SLC12A7: variants seen among roughly 807,000 people sequenced by gnomAD.
The protein encoded by SLC12A7 is solute carrier family 12 member 7, also known as K-Cl cotransporter 4.
In SLC12A7, 100 loss-of-function variants were observed where a neutral mutation model predicts 120.6. That is an observed-to-expected ratio of 0.83 (90% confidence interval 0.71 to 0.98). SLC12A7 has a LOEUF of 0.98. SLC12A7 is among the 50% of genes least tolerant of loss of function. The probability of loss-of-function intolerance (pLI) is 0.00; values close to 1 mark genes in which losing one functional copy is unlikely to be tolerated. For missense variants in SLC12A7, 1,373 were observed against 1,548.1 expected (o/e 0.89, Z 1.90); for synonymous variants, 760 against 678.0 (o/e 1.12, Z -1.88).
chr5:1,116,511 G>A (rs967506134), upstream of SLC12A7, among the ~76,000 whole-genome samples: 3 of 152,204 alleles, frequency 2.0e-5, no homozygotes, highest in Non-Finnish European at 1.5e-5. Flanking sequence ...TGTAAGTGAC[G>A]CCAACAGAAG....
At chr5:1,058,851 A>G (rs1180404196) in intron 21 of SLC12A7, among the ~76,000 whole-genome samples, 4 of 151,470 alleles carry the variant, frequency 2.6e-5, no homozygotes. Flanking sequence ...GTAAGTCACT[A>G]GAGGGTGTCC....
At chr5:1,116,176 C>G (rs907741271), upstream of SLC12A7, among the ~76,000 whole-genome samples, 1 of 152,174 alleles carries the variant, frequency 6.6e-6, no homozygotes, top group Non-Finnish European at 1.5e-5. Context: ...GCCACAGCCC[C>G]AGGCCCATGG....
the SLC12A7 span, among the ~76,000 whole-genome samples, chr5:1,120,947 C>T: frequency 2.0e-5 from 3 of 152,180 alleles, no homozygotes; most frequent in East Asian, 5.8e-4. Context: ...TCGGAGCTCA[C>T]CCGGCAAAGA....
At chr5:1,148,475 T>G in the SLC12A7 span, among the ~76,000 whole-genome samples, 62,828 of 152,072 alleles carry the variant, frequency 0.41, 13,981 homozygotes, top group East Asian at 0.6. Flanking sequence ...AGAGTGCTGG[T>G]ATTACAGGCG....
At chr5:1,084,298 A>T (rs946242643) in intron 7 of SLC12A7, among the ~76,000 whole-genome samples, 10 of 152,192 alleles carry the variant, frequency 6.6e-5, no homozygotes, top group African/African-American at 2.4e-4. Flanking sequence ...TTCTAGACGT[A>T]AACAATTCAC....
Position 1,077,985 on chromosome 5 carries a change from T to A in SLC12A7, c.1477A>T (p.Asn493Tyr). 1 of 1,581,820 alleles carries A rather than the reference T, an allele frequency of 6.3e-7. No homozygotes were observed. Among genetic ancestry groups the A allele is most frequent in the Non-Finnish European group, 8.6e-7 (1 of 1,165,178 alleles). The change falls in exon 12 of 24, where the codon AAC becomes TAC. Residue 493 changes from asparagine (N) to tyrosine (Y), a missense_variant. Asn to Tyr is a moderately radical substitution (Grantham distance 143, BLOSUM62 -2). Transcript: ENST00000264930. ...RDKFGEALQG[N>Y]LVIGMLAWPS... ...CAGGCCAGCATGCCGATGACCAGGT[T>A]CCCCTGCAGGGCCTCCCCGAACCTG...
At chr5:1,100,067 C>G (rs1741864640) in intron 1 of SLC12A7, among the ~76,000 whole-genome samples, 1 of 152,224 alleles carries the variant, frequency 6.6e-6, no homozygotes, top group Non-Finnish European at 1.5e-5. Flanking sequence ...ACCCTCTCCT[C>G]CTACCCGGCC....
rs879409972 is a variant in SLC12A7, at chr5:1,076,409, T to TCCA, written c.1749-174_1749-173insTGG. Reference sequence around the variant, plus strand: ...TGATTCCGAATCAGGCCCCCTCAGGTTCCAGCCATCCTGTGACCACCTGGT... The same window carrying TCCA: ...TGATTCCGAATCAGGCCCCCTCAGGTCCATCCAGCCATCCTGTGACCACCTGGT... On this transcript the variant is annotated intron_variant, in intron 13 of 23. Coordinates refer to ENST00000264930, the MANE Select transcript of SLC12A7 (RefSeq NM_006598.3). 0.47 allele frequency among the ~76,000 whole-genome samples: 71,544 copies of TCCA among 151,296 alleles called. 17,225 individuals carry two copies. Among genetic ancestry groups the TCCA allele is most frequent in the East Asian group, 0.61 (3,137 of 5,102 alleles).
chr5:1,140,082 G>A, the SLC12A7 span, among the ~76,000 whole-genome samples: 362 of 152,278 alleles, frequency 2.4e-3, 1 homozygote, highest in Non-Finnish European at 1.7e-3. Context: ...CGGTGACCAG[G>A]CACCACCGCC....
At chr5:1,117,076 C>T in the SLC12A7 span, among the ~76,000 whole-genome samples, 6 of 152,268 alleles carry the variant, frequency 3.9e-5, no homozygotes, top group African/African-American at 1.2e-4. This position sits in a 1 kb window ranked among gnomAD's most constrained non-coding sequence, Gnocchi z 4.5. Context: ...CAGGGATTTG[C>T]TGGCTCTGTC....
the SLC12A7 span, among the ~76,000 whole-genome samples, chr5:1,145,208 C>A: frequency 6.6e-6 from 1 of 152,258 alleles, no homozygotes; most frequent in South Asian, 2.1e-4. The surrounding 1 kb of genome is among the most constrained non-coding windows in gnomAD (Gnocchi z 4.4). Flanking sequence ...CAGTGAGTGG[C>A]CACAAGGGCC....
intron 6 of SLC12A7, among the ~76,000 whole-genome samples, chr5:1,086,543 T>C (rs2150863730): frequency 6.6e-6 from 1 of 152,324 alleles, no homozygotes; most frequent in East Asian, 1.9e-4. Context: ...GAGAAGAGGC[T>C]GGGATCCTGG....
the SLC12A7 span, among the ~76,000 whole-genome samples, chr5:1,138,287 TC>T: frequency 6.6e-6 from 1 of 152,120 alleles, no homozygotes; most frequent in African/African-American, 2.4e-5. Flanking sequence ...CGGCTTTTAT[TC>T]CCTTATTTGA....
chr5:1,108,676 C>T (rs779461458), intron 1 of SLC12A7, among the ~76,000 whole-genome samples: 2 of 152,240 alleles, frequency 1.3e-5, no homozygotes, highest in South Asian at 2.1e-4. Flanking sequence ...CAAAGGGGAC[C>T]CCAGATCAGC....
intron 1 of SLC12A7, among the ~76,000 whole-genome samples, chr5:1,108,081 T>C (rs1561114438): frequency 6.6e-6 from 1 of 151,872 alleles, no homozygotes; most frequent in East Asian, 1.9e-4. Context: ...AAGAGCACAG[T>C]ACACATGTAT....
chr5:1,143,984 G>GGCGCTGGGAAA, the SLC12A7 span, among the ~76,000 whole-genome samples: 3 of 152,166 alleles, frequency 2.0e-5, no homozygotes, highest in African/African-American at 7.2e-5. Flanking sequence ...TGGGCACCCT[G>GGCGCTGGGAAA]CCCTCCTACC....
Position 1,093,749 on chromosome 5 carries a change from C to G in SLC12A7, c.220-94G>C. The G allele has an allele frequency of 5.2e-6, 8 of 1,540,682 alleles. No homozygotes were observed. The South Asian group carries it at 7.2e-5, about 14-fold the overall frequency. On this transcript the variant is annotated intron_variant, in intron 2 of 23. Coordinates refer to ENST00000264930, the MANE Select transcript of SLC12A7 (RefSeq NM_006598.3). ...GTTCAGGGTGTGGAGCTCAGGCCCTCCCCGGGTCCTCAGCCCCTGGGTCTG... is the reference window on the plus strand; with the variant it reads ...GTTCAGGGTGTGGAGCTCAGGCCCTGCCCGGGTCCTCAGCCCCTGGGTCTG...
At chr5:1,133,681 G>A in the SLC12A7 span, among the ~76,000 whole-genome samples, 20 of 152,316 alleles carry the variant, frequency 1.3e-4, no homozygotes, top group Non-Finnish European at 2.5e-4. Flanking sequence ...GAGGCTGGAC[G>A]TGCGCCCCTC....
rs558914372 is a variant in SLC12A7, at chr5:1,084,287, G to A, written c.918-331C>T. ...GTGGTCCAAACGTGCTAAATGAAGC[G>A]TTCTAGACGTAAACAATTCACACGT... On this transcript the variant is annotated intron_variant, in intron 7 of 23. Coordinates refer to ENST00000264930, the MANE Select transcript of SLC12A7 (RefSeq NM_006598.3). Among the ~76,000 whole-genome samples, 7 of 152,326 alleles carry A rather than the reference G, an allele frequency of 4.6e-5. No individual in the cohort carries two copies. The East Asian group carries it at 9.7e-4, about 21-fold the overall frequency.
Sources: allele counts gnomAD v4.1 joint callset (sites outside exome capture counted in the v4.1 genomes callset), GRCh38; gene constraint gnomAD v4.1.1; non-coding constraint Gnocchi (gnomAD v3.1); transcripts MANE v1.5; gene names NCBI Gene and HGNC (gene_info 2026-07-23, HGNC 2026-07-21).